PTPRD: variants seen among roughly 807,000 people sequenced by gnomAD.
PTPRD encodes protein tyrosine phosphatase receptor type D.
A neutral mutation model predicts 214.5 loss-of-function variants in PTPRD; 34 were observed. That is an observed-to-expected ratio of 0.16 (90% CI 0.12 to 0.21). The LOEUF is 0.21. Ranked by LOEUF, PTPRD falls within the 10% of genes least tolerant of loss-of-function variation. The pLI, the probability that PTPRD is intolerant of heterozygous loss-of-function variation, is 1.00. For synonymous variants in PTPRD, 1,128 were observed against 845.7 expected (o/e 1.33, Z -5.79); for missense variants, 2,545 against 2,398.7 (o/e 1.06, Z -1.27).
chr9:9,834,741 T>C (rs913473566), intron 5 of PTPRD, among the ~76,000 whole-genome samples: 1 of 152,046 alleles, frequency 6.6e-6, no homozygotes, highest in African/African-American at 2.4e-5. Flanking sequence ...AAACCTAGGA[T>C]GGTGATTCCT....
chr9:10,599,470 T>A (rs10959192), intron 2 of PTPRD, among the ~76,000 whole-genome samples: 38,916 of 151,630 alleles, frequency 0.26, 5,696 homozygotes, highest in Admixed American at 0.34. Context: ...AACAAATACT[T>A]TAAATGTATT....
chr9:8,491,658 TAAAAA>T (rs922847603), intron 27 of PTPRD, among the ~76,000 whole-genome samples: 12 of 113,532 alleles, frequency 1.1e-4, no homozygotes, highest in Non-Finnish European at 1.3e-4. Context: ...CAATGGTATT[TAAAAA>T]AAAAAAAAAA....
chr9:8,331,672 T>C lies in PTPRD; in HGVS notation c.5444A>G (p.Lys1815Arg). The change falls in exon 44 of 46, where the codon AAG becomes AGG. Residue 1815 changes from lysine (K) to arginine (R), a missense_variant. Transcript: ENST00000381196. Reference protein sequence around the residue: ...FTDWPEQGVPKSGEGFIDFIG... With the variant: ...FTDWPEQGVPRSGEGFIDFIG... ...GAAGTCAATAAATCCTTCTCCGGAC[T>C]TTGGCACTCCTTGCTCTGGCCAGTC... 2 of 1,613,896 alleles carry C rather than the reference T, an allele frequency of 1.2e-6. No individual in the cohort carries two copies. Among genetic ancestry groups the C allele is most frequent in the Non-Finnish European group, 1.7e-6 (2 of 1,179,926 alleles).
chr9:8,855,874 C>A (rs554207890), intron 11 of PTPRD, among the ~76,000 whole-genome samples: 1 of 152,156 alleles, frequency 6.6e-6, no homozygotes. Flanking sequence ...AATCTGACAG[C>A]TGAATTCATG....
At chr9:8,619,776 C>A (rs531179535) in intron 14 of PTPRD, among the ~76,000 whole-genome samples, 1 of 152,064 alleles carries the variant, frequency 6.6e-6, no homozygotes, top group African/African-American at 2.4e-5. Context: ...TACACATCTT[C>A]ATCCTTTTCC....
chr9:9,528,966 T>A (rs2074832996), intron 8 of PTPRD, among the ~76,000 whole-genome samples: 1 of 147,622 alleles, frequency 6.8e-6, no homozygotes. Flanking sequence ...TGAGGCAGAG[T>A]CTCACCCTGT....
chr9:8,699,109 T>C (rs931882619), intron 12 of PTPRD, among the ~76,000 whole-genome samples: 6 of 152,190 alleles, frequency 3.9e-5, no homozygotes, highest in Non-Finnish European at 8.8e-5. Context: ...TCCTGAATAA[T>C]GAAAAATACA....
In PTPRD at chr9:8,688,492, G is replaced by A. The variant is rs150262919; in HGVS notation, c.64+45288C>T. Reference sequence around the variant, plus strand: ...AGGGAGGAGAATGGCATGAACCCAGGAGGCAGAGCTTGCAGTGAGCCGAGA... The same window carrying A: ...AGGGAGGAGAATGGCATGAACCCAGAAGGCAGAGCTTGCAGTGAGCCGAGA... On this transcript the variant is annotated intron_variant, in intron 12 of 45. Transcript: ENST00000381196. Among the ~76,000 whole-genome samples the A allele has an allele frequency of 2.8e-3, 428 of 151,436 alleles. 2 individuals carry two copies. Among genetic ancestry groups the A allele is most frequent in the African/African-American group, 0.01 (413 of 41,278 alleles).
chr9:9,108,908 C>T (rs1212693944), intron 10 of PTPRD, among the ~76,000 whole-genome samples: 13 of 152,132 alleles, frequency 8.5e-5, no homozygotes, highest in Admixed American at 8.5e-4. Flanking sequence ...CAGAGTTATC[C>T]TTTTAATTAA....
In PTPRD at chr9:8,805,109, C is replaced by T. The variant is rs866718240; in HGVS notation, c.-103-71163G>A. 3.9e-5 allele frequency among the ~76,000 whole-genome samples: 6 copies of T among 152,240 alleles called. No individual in the cohort carries two copies. In the South Asian group the frequency reaches 8.3e-4, roughly 21 times the overall value. The stretch of plus-strand genomic sequence containing the variant: ...AGCCATGGGATCAGAACCTATACCT[C>T]ACAGATAGTATCTGGAAAAATAAGA... On this transcript the variant is annotated intron_variant, in intron 11 of 45. Transcript: ENST00000381196.
chr9:8,738,440 G>A (rs1017339743), intron 11 of PTPRD, among the ~76,000 whole-genome samples: 2 of 151,914 alleles, frequency 1.3e-5, no homozygotes, highest in Non-Finnish European at 2.9e-5. Context: ...ACAAACTAGG[G>A]CCTAGAGTCC....
intron 2 of PTPRD, among the ~76,000 whole-genome samples, chr9:10,542,215 C>T (rs187297124): frequency 2.7e-5 from 4 of 147,408 alleles, no homozygotes; most frequent in African/African-American, 9.7e-5. Context: ...GAATAGCCTC[C>T]TCCTGTCAAT....
intron 11 of PTPRD, among the ~76,000 whole-genome samples, chr9:8,743,114 A>AG (rs144763567): frequency 0.51 from 66,282 of 131,226 alleles, 16,532 homozygotes; most frequent in South Asian, 0.62. Flanking sequence ...TAAAAAAAAA[A>AG]GGGGGGGGGG....
At chr9:9,822,120 T>C (rs1441835005) in intron 5 of PTPRD, among the ~76,000 whole-genome samples, 3 of 151,248 alleles carry the variant, frequency 2.0e-5, no homozygotes, top group African/African-American at 7.3e-5. Flanking sequence ...CTTATAAATA[T>C]AGATAGAATA....
At chr9:10,297,085 A>G (rs2095698407) in intron 3 of PTPRD, among the ~76,000 whole-genome samples, 1 of 148,220 alleles carries the variant, frequency 6.7e-6, no homozygotes, top group African/African-American at 2.5e-5. Context: ...CAAATGGAGA[A>G]AGTCTGCATC....
intron 24 of PTPRD, among the ~76,000 whole-genome samples, chr9:8,500,512 G>A (rs529300501): frequency 8.0e-4 from 91 of 113,996 alleles, no homozygotes; most frequent in African/African-American, 3.0e-3. Context: ...GGAGCCAACA[G>A]TTCTTTTAAA....
chr9:9,859,825 T>A (rs1470270282), intron 5 of PTPRD, among the ~76,000 whole-genome samples: 1 of 152,172 alleles, frequency 6.6e-6, no homozygotes, highest in African/African-American at 2.4e-5. Context: ...ACTTTCTCCT[T>A]ATAACATGGC....
chr9:9,163,171 C>G (rs1275096427), intron 10 of PTPRD, among the ~76,000 whole-genome samples: 1 of 152,072 alleles, frequency 6.6e-6, no homozygotes, highest in Non-Finnish European at 1.5e-5. Context: ...TTGTCCACTC[C>G]CAAAGCTTCA....
At chr9:10,523,384 C>A (rs1477997304) in intron 2 of PTPRD, among the ~76,000 whole-genome samples, 2 of 151,458 alleles carry the variant, frequency 1.3e-5, no homozygotes, top group Non-Finnish European at 2.9e-5. Context: ...GACAAAGCAA[C>A]TGTCCCAAGC....
Sources: gnomAD v4.1 joint callset for allele counts (sites outside exome capture counted in the v4.1 genomes callset) on GRCh38, gnomAD v4.1.1 for gene constraint, MANE v1.5 for transcripts, NCBI Gene and HGNC (gene_info 2026-07-23, HGNC 2026-07-21) for gene names.